The following OCA2 variants were observed in gnomAD, a reference collection of about 807,000 sequenced individuals.
OCA2 encodes the protein P protein.
Under a neutral mutation model 100.2 loss-of-function variants are expected in OCA2, and 77 were observed. The observed-to-expected ratio is 0.77, with a 90% CI of 0.64 to 0.93. OCA2 has a LOEUF of 0.93. Ranked by LOEUF, OCA2 falls within the 40% of genes least tolerant of loss-of-function variation. OCA2 has a pLI of 0.00. For missense variants in OCA2, 1,062 were observed against 1,089.1 expected, an observed-to-expected ratio of 0.98 and a Z score of 0.35; for synonymous variants, 432 against 439.2, an observed-to-expected ratio of 0.98 and a Z score of 0.21.
intron 23 of OCA2, among the ~76,000 whole-genome samples, chr15:27,811,172 T>C (rs1263081444): frequency 1.4e-5 from 2 of 146,486 alleles, no homozygotes; most frequent in Non-Finnish European, 3.0e-5. Context: ...ATATACACCA[T>C]GGAATACTAC....
In OCA2 at chr15:27,755,357, C is replaced by T. The variant is rs1248774032; in HGVS notation, c.*31G>A. On this transcript the variant is annotated 3_prime_UTR_variant, in exon 24 of 24. Coordinates refer to ENST00000354638, the MANE Select transcript of OCA2 (RefSeq NM_000275.3). ...AATGGGTTGTGATGGATGAAGTTTC[C>T]TTTAGTCTTCGAGCAATAGATGGAT... 5.9e-6 allele frequency: 9 copies of T among 1,532,344 alleles called. No homozygotes were observed. The South Asian group carries it at 1.0e-4, about 17-fold the overall frequency. The allele number at this position is 1,532,344 out of a possible 1,614,324, so 94.9% of individuals were successfully genotyped here. A position where few individuals can be genotyped will look rare whatever the true frequency, so the allele number is the denominator to read the frequency against.
At chr15:27,740,506 G>A in the OCA2 span, among the ~76,000 whole-genome samples, 3 of 152,116 alleles carry the variant, frequency 2.0e-5, no homozygotes, top group African/African-American at 7.2e-5. Context: ...AAGAAGGAGA[G>A]GTGAAGGGTG....
At chr15:27,990,043 C>G (rs2041499584) in intron 10 of OCA2, among the ~76,000 whole-genome samples, 1 of 152,098 alleles carries the variant, frequency 6.6e-6, no homozygotes, top group African/African-American at 2.4e-5. Flanking sequence ...GGTTCCAGCA[C>G]TGCCTCTCAG....
chr15:27,934,793 T>C (rs1315994905), intron 18 of OCA2, among the ~76,000 whole-genome samples: 1 of 152,222 alleles, frequency 6.6e-6, no homozygotes, highest in African/African-American at 2.4e-5. Context: ...GTTTCCATAG[T>C]CACGGAGATT....
intron 15 of OCA2, among the ~76,000 whole-genome samples, chr15:27,964,491 A>G (rs2040500812): frequency 6.6e-6 from 1 of 152,096 alleles, no homozygotes; most frequent in African/African-American, 2.4e-5. Context: ...GTGTCACTGG[A>G]TGGCAGAATG....
At position 27,871,172 on chromosome 15, in the gene OCA2, G is replaced by C. The variant is rs377210972; in HGVS notation, c.2226C>G (p.Ile742Met). The change falls in exon 21 of 24, where the codon ATC (isoleucine) becomes ATG (methionine). Residue 742 changes from isoleucine to methionine, a missense_variant. Ile to Met is a conservative substitution (Grantham distance 10). Transcript: ENST00000354638. ...AACTCACCATGGTAGCAGTGAACGG[G>C]ATGTTGTCAATCAGGGACGACGCCA... is the stretch of plus-strand genomic sequence containing the variant. Reference protein sequence around the residue: ...SALASSLIDNIPFTATMIPVL... With the variant: ...SALASSLIDNMPFTATMIPVL... 5 of 1,613,828 alleles carry C rather than the reference G, an allele frequency of 3.1e-6. No homozygotes were observed. In the African/African-American group the frequency reaches 6.7e-5, roughly 22 times the overall value.
intron 23 of OCA2, among the ~76,000 whole-genome samples, chr15:27,834,905 G>A (rs2035090457): frequency 6.6e-6 from 1 of 152,180 alleles, no homozygotes; most frequent in Admixed American, 6.5e-5. Context: ...TGAACCACAA[G>A]CTAAGCCAAC....
At chr15:27,963,280 C>G (rs2040464230) in intron 15 of OCA2, among the ~76,000 whole-genome samples, 2 of 152,092 alleles carry the variant, frequency 1.3e-5, no homozygotes, top group African/African-American at 2.4e-5. Flanking sequence ...CCAATCTGAC[C>G]TAAGCTATAT....
intron 23 of OCA2, among the ~76,000 whole-genome samples, chr15:27,756,712 T>C (rs16950402): frequency 0.11 from 16,148 of 152,142 alleles, 1,580 homozygotes; most frequent in African/African-American, 0.25. Context: ...CTGTGACAGA[T>C]TGTGTAGAGT....
rs1567098801 is a variant in OCA2, at chr15:27,913,902, AGCAAGC to A, written c.2079+12219_2079+12224del. 2.6e-4 allele frequency among the ~76,000 whole-genome samples: 15 copies of A among 56,726 alleles called. 1 individual carries two copies. The highest frequency in any genetic ancestry group is 2.1e-3 in the East Asian group (1 of 472). 37.2% of individuals were successfully genotyped at this position (56,726 alleles called of 152,430 possible). ...AAGAAAGAAAGAAAGAAAGCAAGCA[AGCAAGC>A]AAGCAAGCAAGCAAGCAAGCAAGAA... On this transcript the variant is annotated intron_variant, in intron 19 of 23. Transcript: ENST00000354638.
At chr15:28,077,518 C>T (rs1294228504) in intron 2 of OCA2, among the ~76,000 whole-genome samples, 1 of 152,124 alleles carries the variant, frequency 6.6e-6, no homozygotes, top group African/African-American at 2.4e-5. Flanking sequence ...GGGAAACAGC[C>T]CTGAGGAATG....
At chr15:28,071,195 C>T (rs907527361) in intron 2 of OCA2, among the ~76,000 whole-genome samples, 1 of 132,870 alleles carries the variant, frequency 7.5e-6, no homozygotes, top group African/African-American at 3.3e-5. Flanking sequence ...AGAAAAACAC[C>T]TAGGAATACA....
intron 2 of OCA2, among the ~76,000 whole-genome samples, chr15:28,067,909 C>A (rs1192586972): frequency 2.6e-5 from 4 of 152,112 alleles, no homozygotes; most frequent in Admixed American, 2.6e-4. Context: ...ACTTGGTGAT[C>A]TATCTAACAC....
At chr15:27,988,759 T>C (rs10775262) in intron 11 of OCA2, among the ~76,000 whole-genome samples, 25,381 of 151,954 alleles carry the variant, frequency 0.17, 3,064 homozygotes, top group East Asian at 0.7. Context: ...ATGCCCAAAC[T>C]CTGTATACGT....
intron 19 of OCA2, 48 bp from the exon 20 acceptor site, chr15:27,871,970 A>G (rs759949124): frequency 5.9e-6 from 8 of 1,362,220 alleles, no homozygotes; most frequent in Non-Finnish European, 8.4e-6. Context: ...CCGAAAATAT[A>G]TGCAAGATTT....
intron 15 of OCA2, among the ~76,000 whole-genome samples, chr15:27,964,056 CAG>C (rs1204526390): frequency 6.6e-6 from 1 of 152,130 alleles, no homozygotes; most frequent in East Asian, 1.9e-4. Flanking sequence ...CAAGGAGAAA[CAG>C]ATAACTTGAA....
intron 23 of OCA2, among the ~76,000 whole-genome samples, chr15:27,804,967 G>A (rs928634491): frequency 1.3e-5 from 2 of 152,252 alleles, no homozygotes; most frequent in African/African-American, 2.4e-5. Context: ...CCCGCTGGAC[G>A]TGCACTCTAG....
intron 23 of OCA2, among the ~76,000 whole-genome samples, chr15:27,825,836 A>G (rs2034699846): frequency 6.6e-6 from 1 of 152,242 alleles, no homozygotes; most frequent in South Asian, 2.1e-4. Context: ...CATGGAAGGC[A>G]GCCGGCCAGG....
intron 23 of OCA2, among the ~76,000 whole-genome samples, chr15:27,770,421 C>T (rs1006597273): frequency 1.6e-4 from 25 of 152,218 alleles, no homozygotes; most frequent in African/African-American, 6.0e-4. Flanking sequence ...GCAGAAGAGG[C>T]TCATTGCCGC....
Sources: allele counts gnomAD v4.1 joint callset (sites outside exome capture counted in the v4.1 genomes callset), GRCh38; gene constraint gnomAD v4.1.1; transcripts MANE v1.5; gene names NCBI Gene and HGNC (gene_info 2026-07-23, HGNC 2026-07-21).